DCC: variants seen among roughly 807,000 people sequenced by gnomAD.
DCC encodes the protein netrin receptor DCC.
In DCC, 58 loss-of-function variants were observed where a neutral mutation model predicts 172.5. The ratio of observed to expected loss-of-function variants is 0.34; its 90% CI spans 0.27 to 0.42. DCC has a LOEUF of 0.42. Among genes scored for constraint, DCC ranks in the 10% least tolerant of loss-of-function variants. DCC has a pLI of 1.00. For missense variants in DCC, 1,740 were observed against 1,791.0 expected (o/e 0.97, Z 0.51); for synonymous variants, 709 against 644.5 (o/e 1.10, Z -1.52).
rs2046533981 is a variant in DCC at position 53,532,495 on chromosome 18, G to C, written c.*1842G>C. The C allele has an allele frequency of 6.6e-6, 1 of 152,042 alleles. No individual in the cohort carries two copies. Among genetic ancestry groups the C allele is most frequent in the Non-Finnish European group, 1.5e-5 (1 of 68,012 alleles). The allele number at this position is 152,042 out of a possible 1,614,324, so 9.4% of individuals were successfully genotyped here. On this transcript the variant is annotated 3_prime_UTR_variant, in exon 29 of 29. Transcript: ENST00000442544. ...AAGAGCTATGTGATGTTGTTCTATGGGACAGACTACTCTTATTTAACATCT... is the reference window on the plus strand; with the variant it reads ...AAGAGCTATGTGATGTTGTTCTATGCGACAGACTACTCTTATTTAACATCT...
At chr18:52,435,267 A>G (rs1987753552) in intron 1 of DCC, among the ~76,000 whole-genome samples, 1 of 151,674 alleles carries the variant, frequency 6.6e-6, no homozygotes, top group African/African-American at 2.4e-5. Flanking sequence ...GCACCAAGAA[A>G]CTCCCAGTCC....
At chr18:53,423,700 T>G (rs1194928518) in intron 21 of DCC, among the ~76,000 whole-genome samples, 2 of 152,226 alleles carry the variant, frequency 1.3e-5, no homozygotes, top group Non-Finnish European at 2.9e-5. Context: ...GTGTTTTCCA[T>G]TTCTTCTTAT....
intron 1 of DCC, among the ~76,000 whole-genome samples, chr18:52,740,240 T>C (rs1018980601): frequency 6.6e-6 from 1 of 152,112 alleles, no homozygotes; most frequent in Non-Finnish European, 1.5e-5. Context: ...ATAAAACAAG[T>C]TATTTGAGAA....
intron 12 of DCC, among the ~76,000 whole-genome samples, chr18:53,296,087 C>T (rs1325957213): frequency 2.0e-5 from 3 of 152,174 alleles, no homozygotes; most frequent in Non-Finnish European, 2.9e-5. Flanking sequence ...TCTCTCAGTG[C>T]TCCTTTCAGT....
chr18:53,171,944 A>G (rs1161040052), intron 8 of DCC, among the ~76,000 whole-genome samples: 2 of 152,162 alleles, frequency 1.3e-5, no homozygotes, highest in African/African-American at 4.8e-5. Context: ...ATGTAAATTT[A>G]TTATTTTAGG....
chr18:52,405,023 T>C (rs1250415850), intron 1 of DCC, among the ~76,000 whole-genome samples: 2 of 151,894 alleles, frequency 1.3e-5, no homozygotes, highest in Non-Finnish European at 1.5e-5. Flanking sequence ...TAGTATTCCA[T>C]GGTGTATATG....
intron 5 of DCC, among the ~76,000 whole-genome samples, chr18:53,022,407 T>C (rs1192235673): frequency 2.0e-5 from 3 of 152,008 alleles, no homozygotes; most frequent in Non-Finnish European, 4.4e-5. Flanking sequence ...TATGAGATAG[T>C]TGGAAGCACT....
chr18:53,493,024 A>AGAT (rs1385379586), intron 26 of DCC, among the ~76,000 whole-genome samples: 1 of 152,126 alleles, frequency 6.6e-6, no homozygotes, highest in East Asian at 1.9e-4. Context: ...TTCTCTTTGA[A>AGAT]GATGTCCTTC....
chr18:53,513,662 T>A (rs2046291489), intron 27 of DCC, among the ~76,000 whole-genome samples: 1 of 151,878 alleles, frequency 6.6e-6, no homozygotes, highest in African/African-American at 2.4e-5. Context: ...GGGGTTGCAA[T>A]CCTAGTTCTG....
intron 8 of DCC, among the ~76,000 whole-genome samples, chr18:53,170,961 T>C (rs560845520): frequency 3.9e-4 from 59 of 152,292 alleles, no homozygotes; most frequent in African/African-American, 1.3e-3. Flanking sequence ...TCTCAGCTCA[T>C]GGCAACTTCT....
At chr18:53,483,670 C>T (rs2045864675) in intron 25 of DCC, among the ~76,000 whole-genome samples, 1 of 151,578 alleles carries the variant, frequency 6.6e-6, no homozygotes, top group Non-Finnish European at 1.5e-5. Context: ...TATTTTTTTG[C>T]AGCATAAAAT....
intron 2 of DCC, among the ~76,000 whole-genome samples, chr18:52,834,629 G>A (rs2038671623): frequency 6.6e-6 from 1 of 152,002 alleles, no homozygotes; most frequent in Non-Finnish European, 1.5e-5. Context: ...CAAAATATTT[G>A]TAAAAAAATT....
intron 2 of DCC, among the ~76,000 whole-genome samples, chr18:52,805,470 G>A (rs2038068347): frequency 6.6e-6 from 1 of 152,218 alleles, no homozygotes; most frequent in African/African-American, 2.4e-5. Context: ...AAGGAAATAA[G>A]AGACGAATGG....
chr18:52,782,025 A>G (rs1358605279), intron 2 of DCC, among the ~76,000 whole-genome samples: 1 of 152,182 alleles, frequency 6.6e-6, no homozygotes, highest in Non-Finnish European at 1.5e-5. Flanking sequence ...TAATTTCTGA[A>G]TGATAAAAAG....
chr18:52,833,977 G>T (rs1399520282), intron 2 of DCC, among the ~76,000 whole-genome samples: 1 of 142,736 alleles, frequency 7.0e-6, no homozygotes, highest in Non-Finnish European at 1.5e-5. Context: ...AAATAAGCAG[G>T]TCAGTCTGCC....
chr18:52,571,446 T>C lies in DCC; in HGVS notation c.92-180608T>C, dbSNP rs529022515. Among the ~76,000 whole-genome samples, 3 of 151,792 alleles carry C rather than the reference T, an allele frequency of 2.0e-5. No homozygotes were observed. The South Asian group carries it at 6.3e-4, about 32-fold the overall frequency. Reference sequence around the variant, plus strand: ...CCCAGTTGTCCCTCTTATTTCCCAGTATTCTTGCCCAGACCAGCTTAAGAA... The same window carrying C: ...CCCAGTTGTCCCTCTTATTTCCCAGCATTCTTGCCCAGACCAGCTTAAGAA... On this transcript the variant is annotated intron_variant, in intron 1 of 28. Transcript: ENST00000442544.
chr18:52,839,318 T>C (rs1348869070), intron 2 of DCC, among the ~76,000 whole-genome samples: 1 of 152,202 alleles, frequency 6.6e-6, no homozygotes, highest in Non-Finnish European at 1.5e-5. Context: ...GGAGTCATCA[T>C]TTATCACAAT....
intron 7 of DCC, among the ~76,000 whole-genome samples, chr18:53,153,338 G>A (rs1190471308): frequency 2.0e-5 from 3 of 152,054 alleles, no homozygotes; most frequent in Admixed American, 6.6e-5. Context: ...TACTGATGAA[G>A]GAGGGATTTG....
intron 1 of DCC, among the ~76,000 whole-genome samples, chr18:52,671,587 T>A (rs1248401330): frequency 2.0e-5 from 3 of 147,692 alleles, no homozygotes; most frequent in African/African-American, 7.6e-5. Context: ...CCACCCCGGC[T>A]GGAGCACAGT....
Sources: allele counts gnomAD v4.1 joint callset (sites outside exome capture counted in the v4.1 genomes callset), GRCh38; gene constraint gnomAD v4.1.1; transcripts MANE v1.5; gene names NCBI Gene and HGNC (gene_info 2026-07-23, HGNC 2026-07-21).